Variants in RALGDS observed in about 807,000 individuals in gnomAD.
The protein encoded by RALGDS is ral guanine nucleotide dissociation stimulator.
Under a neutral mutation model 99.8 loss-of-function variants are expected in RALGDS, and 44 were observed. That is an observed-to-expected ratio of 0.44 (90% CI 0.35 to 0.57). RALGDS has a LOEUF of 0.57. RALGDS is among the 20% of genes least tolerant of loss of function. The pLI, the probability that RALGDS is intolerant of heterozygous loss-of-function variation, is 0.01. For missense variants in RALGDS, 1,022 were observed against 1,203.1 expected (o/e 0.85, Z 2.23); for synonymous variants, 529 against 505.0 (o/e 1.05, Z -0.64).
In RALGDS at chr9:133,108,852, A is replaced by T. The variant is rs1831201242; in HGVS notation, c.599T>A (p.Ile200Asn). The change falls in exon 5 of 18, where the codon ATC becomes AAC. Residue 200 changes from isoleucine (I) to asparagine (N), a missense_variant. Ile to Asn is a moderately radical substitution (Grantham distance 149). Around this residue, in one of 3 missense-constraint regions of RALGDS, gnomAD observed 825 missense variants for 994.5 expected, o/e 0.83. Transcript: ENST00000372050. The stretch of plus-strand genomic sequence containing the variant: ...GTACTGGTCCAGCCAGGTGCCCAGG[A>T]TGGAGGAGATGGCACTGGGGACAGG... ...QDQLKNAISS[I>N]LGTWLDQYSE... 6.2e-7 allele frequency: 1 copy of T among 1,612,162 alleles called. No homozygotes were observed. Among genetic ancestry groups the T allele is most frequent in the African/African-American group, 1.3e-5 (1 of 74,888 alleles).
chr9:133,117,760 C>T (rs1255956194), intron 1 of RALGDS, among the ~76,000 whole-genome samples: 4 of 152,362 alleles, frequency 2.6e-5, no homozygotes, highest in East Asian at 1.9e-4. Flanking sequence ...GGTGGCACCA[C>T]GCCATGGGAG....
At chr9:133,113,141 C>T (rs368167580) in intron 1 of RALGDS, among the ~76,000 whole-genome samples, 5 of 152,248 alleles carry the variant, frequency 3.3e-5, no homozygotes, top group Non-Finnish European at 4.4e-5. Context: ...GTAGAGGAGC[C>T]GGGGGGTTAA....
At chr9:133,101,902 T>TGGGAAA in intron 15 of RALGDS, 36 bp downstream of exon 15, 1 of 1,550,772 alleles carries the variant, frequency 6.4e-7, no homozygotes, top group Non-Finnish European at 8.7e-7. Context: ...AGTGGGGAGA[T>TGGGAAA]GGGAAAGGAT....
upstream of RALGDS, among the ~76,000 whole-genome samples, chr9:133,133,548 G>A (rs1037967017): frequency 1.3e-5 from 2 of 152,222 alleles, no homozygotes; most frequent in African/African-American, 2.4e-5. Flanking sequence ...CAGCCGAGGC[G>A]CTGGGGCCTG....
At chr9:133,111,068 TAAAAGAGTGAA>T (rs954801643) in intron 2 of RALGDS, among the ~76,000 whole-genome samples, 1 of 152,100 alleles carries the variant, frequency 6.6e-6, no homozygotes, top group African/African-American at 2.4e-5. Context: ...ACCCTGTCTC[TAAAAGAGTGAA>T]AAAATTTTTA....
At position 133,121,171 on chromosome 9, in the gene RALGDS, G is replaced by A. The variant is rs1325955806; in HGVS notation, c.-17C>T. On this transcript the variant is annotated 5_prime_UTR_variant, in exon 1 of 18. Transcript: ENST00000372050. The stretch of plus-strand genomic sequence containing the variant: ...CTGCACCATGGAAGGCTCGCAGCGC[G>A]GGCGCGGGGCCGGCCCGGCGCGCGG... 8 of 1,121,006 alleles carry A rather than the reference G, an allele frequency of 7.1e-6. No individual in the cohort carries two copies. Among genetic ancestry groups the A allele is most frequent in the East Asian group, 4.6e-5 (1 of 21,780 alleles). The allele number at this position is 1,121,006 out of a possible 1,614,324, so 69.4% of individuals were successfully genotyped here. A position where few individuals can be genotyped will look rare whatever the true frequency, so the allele number is the denominator to read the frequency against.
chr9:133,128,051 G>A (rs912990622), intron 1 of RALGDS, among the ~76,000 whole-genome samples: 4 of 151,050 alleles, frequency 2.6e-5, no homozygotes, highest in African/African-American at 7.3e-5. Flanking sequence ...AGGAACAAAC[G>A]TGATAAATGC....
intron 7 of RALGDS, 149 bp from the exon 8 acceptor site, chr9:133,106,897 G>A: frequency 1.1e-6 from 1 of 918,996 alleles, no homozygotes; most frequent in Non-Finnish European, 1.7e-6. Flanking sequence ...GGTGACAGGA[G>A]GATTTTAGCT....
upstream of RALGDS, among the ~76,000 whole-genome samples, chr9:133,125,193 GA>G (rs1029463815): frequency 5.3e-5 from 8 of 152,190 alleles, no homozygotes; most frequent in Non-Finnish European, 7.3e-5. Flanking sequence ...CTACATATTG[GA>G]TGACATTAGA....
At chr9:133,132,118 A>C (rs1832344611), upstream of RALGDS, among the ~76,000 whole-genome samples, 3 of 152,260 alleles carry the variant, frequency 2.0e-5, no homozygotes, top group South Asian at 6.2e-4. Context: ...CCCAGTGCTC[A>C]GAGTGTGGCT....
In RALGDS at chr9:133,112,035, C is replaced by G. The variant is rs1348387361; in HGVS notation, c.294+7G>C. 1.3e-6 allele frequency: 2 copies of G among 1,564,112 alleles called. No homozygotes were observed. Among genetic ancestry groups the G allele is most frequent in the African/African-American group, 1.4e-5 (1 of 73,538 alleles). ...CGTCTCCCAGTGGAGACCCCGAGCG[C>G]ACTCACCCCGAGCCAGCGCTGCCCC... On this transcript the variant is annotated splice_region_variant and intron_variant, in intron 2 of 17. Transcript: ENST00000372050.
Position 133,108,366 on chromosome 9 carries a change from G to T in RALGDS, c.819C>A (p.Leu273=). The change falls in exon 6 of 18, where the codon CTC becomes CTA. Residue 273 remains leucine, a synonymous_variant. Coordinates refer to ENST00000372050, the MANE Select transcript of RALGDS (RefSeq NM_006266.4). ...PVPALKPTPE[L]ELALTPARAP... ...CTCGAGCTGGTGTTAGAGCTAGCTCGAGCTCTGGAGTTGGTTTTAGAGCTG... is the reference window on the plus strand; with the variant it reads ...CTCGAGCTGGTGTTAGAGCTAGCTCTAGCTCTGGAGTTGGTTTTAGAGCTG... 1 of 1,538,204 alleles carries T rather than the reference G, an allele frequency of 6.5e-7. No individual in the cohort carries two copies.
upstream of RALGDS, among the ~76,000 whole-genome samples, chr9:133,135,424 G>A (rs180696827): frequency 3.6e-4 from 55 of 152,312 alleles, no homozygotes; most frequent in East Asian, 7.7e-4. Flanking sequence ...ACTGAGTCAC[G>A]CAGGTTGCCA....
Position 133,098,734 on chromosome 9 carries a change from G to T in RALGDS, c.2598C>A (p.Val866=). 1 of 1,614,112 alleles carries T rather than the reference G, an allele frequency of 6.2e-7. No individual in the cohort carries two copies. The highest frequency in any genetic ancestry group is 8.5e-7 in the Non-Finnish European group (1 of 1,180,024). ...TGGCGGTAGAGTTCATGGCATAGAA[G>T]ACGTTGGCGTTTTCAGGGATCTTCA... is the stretch of plus-strand genomic sequence containing the variant. ...RKLKIPENAN[V]FYAMNSTANY... is the part of the protein sequence containing the mutation. The change falls in exon 18 of 18, where the codon GTC becomes GTA. Residue 866 remains valine (V), a synonymous_variant. Transcript: ENST00000372050.
upstream of RALGDS, among the ~76,000 whole-genome samples, chr9:133,133,572 T>C (rs1202326414): frequency 2.6e-5 from 4 of 152,164 alleles, no homozygotes; most frequent in Admixed American, 2.0e-4. Context: ...GTGAGGCCAG[T>C]TGGAGGAGCT....
chr9:133,117,399 G>GACAA (rs1396396718), intron 1 of RALGDS, among the ~76,000 whole-genome samples: 1 of 148,302 alleles, frequency 6.7e-6, no homozygotes, highest in Non-Finnish European at 1.5e-5. Flanking sequence ...GGTTGAGATG[G>GACAA]ACAAAAGTCT....
At position 133,102,020 on chromosome 9, in the gene RALGDS, T is replaced by C. The variant is rs758059159; in HGVS notation, c.2129A>G (p.His710Arg). ...SGDIADALSV[H>R]SAGSSSSDVE... is the part of the protein sequence containing the mutation. ...GTCGGAGCTAGAGGAGCCGGCCGAG[T>C]GCACGCTGAGCGCGTCAGCGATGTC... Residue 710 changes from histidine (H) to arginine (R), a missense_variant, in exon 15 of 18, where the codon CAC becomes CGC. Coordinates refer to ENST00000372050, the MANE Select transcript of RALGDS (RefSeq NM_006266.4). 1.3e-6 allele frequency: 2 copies of C among 1,553,960 alleles called. No individual in the cohort carries two copies. Among genetic ancestry groups the C allele is most frequent in the East Asian group, 2.4e-5 (1 of 41,208 alleles).
At chr9:133,148,113 C>T (rs28479458) in intron 1 of RALGDS, among the ~76,000 whole-genome samples, 1,747 of 152,314 alleles carry the variant, frequency 0.011, 33 homozygotes, top group African/African-American at 0.04. Context: ...CCACAGACCT[C>T]GGTGGGTAGT....
chr9:133,127,070 G>A (rs1324972976), intron 1 of RALGDS, among the ~76,000 whole-genome samples: 6 of 152,204 alleles, frequency 3.9e-5, no homozygotes, highest in South Asian at 2.1e-4. Context: ...TCTTCATGCC[G>A]CCCCTTCTGT....
Sources: allele counts gnomAD v4.1 joint callset (sites outside exome capture counted in the v4.1 genomes callset), GRCh38; gene constraint gnomAD v4.1.1; regional missense constraint gnomAD v4.1.1; transcripts MANE v1.5; gene names NCBI Gene and HGNC (gene_info 2026-07-23, HGNC 2026-07-21).